GPR183: variants seen among roughly 807,000 people sequenced by gnomAD.
GPR183 encodes the protein G protein-coupled receptor 183, also known as EBV-induced G-protein coupled receptor 2.
GPR183 carries 9 observed loss-of-function variants against 19.7 expected under a neutral mutation model. The observed-to-expected ratio is 0.46, with a 90% CI of 0.28 to 0.80. GPR183 has a LOEUF of 0.80. Ranked by LOEUF, GPR183 falls within the 30% of genes least tolerant of loss-of-function variation. The pLI, the probability that GPR183 is intolerant of heterozygous loss-of-function variation, is 0.13. For synonymous variants in GPR183, 160 were observed against 155.1 expected, an observed-to-expected ratio of 1.03 and a Z score of -0.24; for missense variants, 368 against 446.7, an observed-to-expected ratio of 0.82 and a Z score of 1.59.
In GPR183 at chr13:99,294,968, T is replaced by C. The variant is rs1013335768; in HGVS notation, c.*92A>G. The C allele has an allele frequency of 1.8e-5, 25 of 1,399,000 alleles. 1 individual carries two copies. The highest frequency in any genetic ancestry group is 1.7e-4 in the African/African-American group (12 of 69,234). 86.7% of individuals were successfully genotyped at this position (1,399,000 alleles called of 1,614,324 possible). A position where few individuals can be genotyped will look rare whatever the true frequency, so the allele number is the denominator to read the frequency against. ...TGAAAGAAATATAAAAGAATACTAA[T>C]TGGAAGCTGAACAATTATTTTGCTT... On this transcript the variant is annotated 3_prime_UTR_variant, in exon 2 of 2. Coordinates refer to ENST00000376414, the MANE Select transcript of GPR183 (RefSeq NM_004951.5).
intron 1 of GPR183, among the ~76,000 whole-genome samples, chr13:99,296,502 C>T (rs957961417): frequency 2.6e-5 from 4 of 152,162 alleles, no homozygotes; most frequent in African/African-American, 9.7e-5. Flanking sequence ...AGAAATTCCC[C>T]TTCCCTTTTT....
chr13:99,296,365 G>T (rs1314066037), intron 1 of GPR183, among the ~76,000 whole-genome samples: 1 of 152,132 alleles, frequency 6.6e-6, no homozygotes, highest in Non-Finnish European at 1.5e-5. Flanking sequence ...AGGAAGAACA[G>T]AATAAAATTT....
At chr13:99,306,729 C>T (rs1190631135) in intron 1 of GPR183, among the ~76,000 whole-genome samples, 1 of 152,098 alleles carries the variant, frequency 6.6e-6, no homozygotes, top group Non-Finnish European at 1.5e-5. Context: ...CAAGTATAAA[C>T]CACACAACAG....
Position 99,295,288 on chromosome 13 carries a change from G to A in GPR183, c.858C>T (p.Phe286=). 1 of 1,614,080 alleles carries A rather than the reference G, an allele frequency of 6.2e-7. No individual in the cohort carries two copies. The highest frequency in any genetic ancestry group is 8.5e-7 in the Non-Finnish European group (1 of 1,180,006). The change falls in exon 2 of 2, where the codon TTC becomes TTT. Residue 286 remains phenylalanine (F), a synonymous_variant. Transcript: ENST00000376414. The surrounding 1 kb of genome is among the most constrained non-coding windows in gnomAD (Gnocchi z 4.1). ...NFLECSQRHS[F]QISLHFTVCL... ...ATACTGTAAAGTGCAGAGAAATCTG[G>A]AACGAATGTCTTTGGCTACATTCCA...
At chr13:99,305,460 T>C (rs2044319597) in intron 1 of GPR183, among the ~76,000 whole-genome samples, 2 of 152,190 alleles carry the variant, frequency 1.3e-5, no homozygotes, top group Admixed American at 6.5e-5. Flanking sequence ...ACGGCTTTAT[T>C]AGGTGCGAAG....
intron 1 of GPR183, among the ~76,000 whole-genome samples, chr13:99,306,718 A>T (rs566246429): frequency 6.6e-6 from 1 of 152,348 alleles, no homozygotes; most frequent in South Asian, 2.1e-4. Context: ...CTAAGTAAAC[A>T]CAAGTATAAA....
chr13:99,295,744 C>T lies in GPR183; in HGVS notation c.402G>A (p.Val134=), dbSNP rs1288973753. 6 of 1,614,066 alleles carry T rather than the reference C, an allele frequency of 3.7e-6. No individual in the cohort carries two copies. Among genetic ancestry groups the T allele is most frequent in the Non-Finnish European group, 5.1e-6 (6 of 1,179,994 alleles). The change falls in exon 2 of 2, where the codon GTG becomes GTA. Residue 134 remains valine, a synonymous_variant. Coordinates refer to ENST00000376414, the MANE Select transcript of GPR183 (RefSeq NM_004951.5). This position sits in a 1 kb window ranked among gnomAD's most constrained non-coding sequence, Gnocchi z 4.1. ...CLSIDRFIAV[V]HPLRYNKIKR... ...TTATCTTGTTGTAGCGTAGAGGGTG[C>T]ACCACAGCAATGAAGCGGTCAATAC...
chr13:99,295,887 G>C lies in GPR183; in HGVS notation c.259C>G (p.Arg87Gly). The C allele has an allele frequency of 1.9e-6, 3 of 1,611,718 alleles. No individual in the cohort carries two copies. The highest frequency in any genetic ancestry group is 1.3e-5 in the African/African-American group (1 of 74,942). ...DILFTTALPTRIAYYAMGFDW... is the reference protein window; with the variant it reads ...DILFTTALPTGIAYYAMGFDW... Reference sequence around the variant, plus strand: ...AAGCCCATTGCATAGTAGGCTATTCGTGTAGGCAAAGCGGTGGTAAAAAGT... The same window carrying C: ...AAGCCCATTGCATAGTAGGCTATTCCTGTAGGCAAAGCGGTGGTAAAAAGT... Residue 87 changes from arginine (R) to glycine (G), a missense_variant, in exon 2 of 2, where the codon CGA becomes GGA. By Grantham distance (125) the Arg-to-Gly change is moderately radical. Transcript: ENST00000376414. The surrounding 1 kb of genome is among the most constrained non-coding windows in gnomAD (Gnocchi z 4.1).
At position 99,300,470 on chromosome 13, in the gene GPR183, A is replaced by G. The variant is rs182355046; in HGVS notation, c.-18-4307T>C. Among the ~76,000 whole-genome samples the G allele has an allele frequency of 5.3e-4, 80 of 152,328 alleles. 2 individuals carry two copies. The East Asian group carries it at 0.015, about 29-fold the overall frequency. The stretch of plus-strand genomic sequence containing the variant: ...GCCAATTTTATGATCCCAAATTGAG[A>G]GGAAAATCCTTTCATATGCGTGACT... On this transcript the variant is annotated intron_variant, in intron 1 of 1. Coordinates refer to ENST00000376414, the MANE Select transcript of GPR183 (RefSeq NM_004951.5).
chr13:99,301,725 G>C (rs2044260041), intron 1 of GPR183, among the ~76,000 whole-genome samples: 1 of 152,168 alleles, frequency 6.6e-6, no homozygotes, highest in African/African-American at 2.4e-5. Context: ...AGGGATTTGT[G>C]ATTTTTCACA....
Position 99,295,902 on chromosome 13 carries a change from T to G in GPR183, c.244A>C (p.Thr82Pro). The change falls in exon 2 of 2, where the codon ACC becomes CCC. Residue 82 changes from threonine (T) to proline (P), a missense_variant. Physicochemically the swap from Thr to Pro is conservative, Grantham distance 38. Transcript: ENST00000376414. This position sits in a 1 kb window ranked among gnomAD's most constrained non-coding sequence, Gnocchi z 4.1. ...TAGGCTATTCGTGTAGGCAAAGCGG[T>G]GGTAAAAAGTATATCAGAAATCACC... The part of the protein sequence containing the change: ...NLVISDILFT[T>P]ALPTRIAYYA... 2 of 1,612,932 alleles carry G rather than the reference T, an allele frequency of 1.2e-6. No individual in the cohort carries two copies. The highest frequency in any genetic ancestry group is 1.7e-6 in the Non-Finnish European group (2 of 1,179,308).
Position 99,296,189 on chromosome 13 carries a change from A to T in GPR183, c.-18-26T>A, listed in dbSNP as rs202121468. The T allele has an allele frequency of 1.8e-5, 28 of 1,521,194 alleles. No individual in the cohort carries two copies. In the Admixed American group the frequency reaches 6.0e-4, roughly 33 times the overall value. 94.2% of individuals were successfully genotyped at this position (1,521,194 alleles called of 1,614,324 possible). ...CTAGAAAAAAACCAAGAAGGATCAT[A>T]TAAGTAAAAGCATATGTATTCAGTT... On this transcript the variant is annotated intron_variant, in intron 1 of 1. Coordinates refer to ENST00000376414, the MANE Select transcript of GPR183 (RefSeq NM_004951.5).
chr13:99,294,861 G>T lies in GPR183; in HGVS notation c.*199C>A. On this transcript the variant is annotated 3_prime_UTR_variant, in exon 2 of 2. Coordinates refer to ENST00000376414, the MANE Select transcript of GPR183 (RefSeq NM_004951.5). The stretch of plus-strand genomic sequence containing the variant: ...ACAAATAAAAATGAAATATTTATTT[G>T]CATTTTTATTGTGCTTTATGTTGTT... 2.2e-6 allele frequency: 1 copy of T among 453,222 alleles called. No individual in the cohort carries two copies. The highest frequency in any genetic ancestry group is 3.5e-5 in the East Asian group (1 of 28,498). The allele number at this position is 453,222 out of a possible 1,614,324, so 28.1% of individuals were successfully genotyped here. A position where few individuals can be genotyped will look rare whatever the true frequency, so the allele number is the denominator to read the frequency against.
chr13:99,299,683 T>G (rs1159911857), intron 1 of GPR183, among the ~76,000 whole-genome samples: 1 of 152,172 alleles, frequency 6.6e-6, no homozygotes, highest in Admixed American at 6.5e-5. Context: ...CTGACATGCT[T>G]TTCAAAGCTT....
At chr13:99,305,510 C>T (rs752573805) in intron 1 of GPR183, among the ~76,000 whole-genome samples, 1 of 152,174 alleles carries the variant, frequency 6.6e-6, no homozygotes. Context: ...ATGACTTGAT[C>T]TCATCCAACA....
At chr13:99,301,231 G>C (rs2044252576) in intron 1 of GPR183, among the ~76,000 whole-genome samples, 1 of 152,196 alleles carries the variant, frequency 6.6e-6, no homozygotes, top group African/African-American at 2.4e-5. Flanking sequence ...ATAATGACTG[G>C]GCCACAGGAA....
intron 1 of GPR183, among the ~76,000 whole-genome samples, chr13:99,298,267 A>C (rs2044206330): frequency 6.6e-6 from 1 of 152,228 alleles, no homozygotes; most frequent in Non-Finnish European, 1.5e-5. Flanking sequence ...AGGTCACCAG[A>C]AGACTCAAAG....
intron 1 of GPR183, 50 bp from the exon 2 acceptor site, chr13:99,296,213 T>A: frequency 7.0e-7 from 1 of 1,426,506 alleles, no homozygotes; most frequent in Non-Finnish European, 9.4e-7. Context: ...ATGTATTCAG[T>A]TTGATTACTC....
intron 1 of GPR183, among the ~76,000 whole-genome samples, chr13:99,306,313 A>G (rs1234562646): frequency 1.3e-5 from 2 of 152,182 alleles, no homozygotes; most frequent in Non-Finnish European, 2.9e-5. Flanking sequence ...AGCACTTATA[A>G]TGAGAGGCAA....
Sources: allele counts gnomAD v4.1 joint callset (sites outside exome capture counted in the v4.1 genomes callset), GRCh38; gene constraint gnomAD v4.1.1; non-coding constraint Gnocchi (gnomAD v3.1); transcripts MANE v1.5; gene names NCBI Gene and HGNC (gene_info 2026-07-23, HGNC 2026-07-21).